FGFR1: variants seen among roughly 807,000 people sequenced by gnomAD.
FGFR1 encodes fibroblast growth factor receptor 1.
A neutral mutation model predicts 93.7 loss-of-function variants in FGFR1; 18 were observed. The ratio of observed to expected loss-of-function variants is 0.19; its 90% CI spans 0.13 to 0.28. The LOEUF is 0.28. Among genes scored for constraint, FGFR1 ranks in the 10% least tolerant of loss-of-function variants. The pLI is 1.00. For synonymous variants in FGFR1, 448 were observed against 429.3 expected, an observed-to-expected ratio of 1.04 and a Z score of -0.54; for missense variants, 731 against 1,080.4, an observed-to-expected ratio of 0.68 and a Z score of 4.53.
chr8:38,459,164 G>A (rs983830662), intron 1 of FGFR1, among the ~76,000 whole-genome samples: 2 of 152,176 alleles, frequency 1.3e-5, no homozygotes, highest in Non-Finnish European at 2.9e-5. Context: ...CACTGTCAAG[G>A]CTACGTGGGG....
intron 2 of FGFR1, among the ~76,000 whole-genome samples, chr8:38,433,734 A>G (rs1438070109): frequency 6.6e-6 from 1 of 152,200 alleles, no homozygotes; most frequent in East Asian, 1.9e-4. Context: ...TTCACACTCA[A>G]TTACATTCCA....
At chr8:38,427,036 G>A (rs976204292) in intron 5 of FGFR1, among the ~76,000 whole-genome samples, 3 of 151,788 alleles carry the variant, frequency 2.0e-5, no homozygotes, top group African/African-American at 7.3e-5. Flanking sequence ...GAACCTGGGA[G>A]GTGGAGCTTG....
intron 1 of FGFR1, among the ~76,000 whole-genome samples, chr8:38,465,104 G>T (rs1342497343): frequency 6.6e-6 from 1 of 152,202 alleles, no homozygotes; most frequent in African/African-American, 2.4e-5. Context: ...CAGCCTGAGG[G>T]ATGCACCGAT....
chr8:38,413,448 A>T lies in FGFR1; in HGVS notation c.*180T>A. 1 of 617,384 alleles carries T rather than the reference A, an allele frequency of 1.6e-6. No individual in the cohort carries two copies. The highest frequency in any genetic ancestry group is 2.9e-6 in the Non-Finnish European group (1 of 350,662). 38.2% of individuals were successfully genotyped at this position (617,384 alleles called of 1,614,324 possible). A position where few individuals can be genotyped will look rare whatever the true frequency, so the allele number is the denominator to read the frequency against. ...CACCTCTCACCAGCAGGTGGAGAGG[A>T]GGTGGAGGGAGAGGTGAGCTGAGTG... On this transcript the variant is annotated 3_prime_UTR_variant, in exon 18 of 18. Coordinates refer to ENST00000447712, the MANE Select transcript of FGFR1 (RefSeq NM_023110.3). The surrounding 1 kb of genome is among the most constrained non-coding windows in gnomAD (Gnocchi z 4.2).
At chr8:38,419,027 T>C (rs566535205) in intron 9 of FGFR1, among the ~76,000 whole-genome samples, 67 of 152,320 alleles carry the variant, frequency 4.4e-4, no homozygotes, top group African/African-American at 1.5e-3. Context: ...CTGTACAAGC[T>C]CTCTTCTCGT....
Position 38,416,542 on chromosome 8 carries a change from G to A in FGFR1, c.1664-482C>T, listed in dbSNP as rs559218142. 1.7e-4 allele frequency among the ~76,000 whole-genome samples: 22 copies of A among 126,274 alleles called. No homozygotes were observed. In the East Asian group the frequency reaches 2.7e-3, roughly 15 times the overall value. 82.8% of individuals were successfully genotyped at this position (126,274 alleles called of 152,430 possible). ...GCGATCTCGGCTAACCGCAACCTCCGCCTCCCGTGTTCAAACGATTCTCCT... is the reference window on the plus strand; with the variant it reads ...GCGATCTCGGCTAACCGCAACCTCCACCTCCCGTGTTCAAACGATTCTCCT... On this transcript the variant is annotated intron_variant, in intron 12 of 17. Transcript: ENST00000447712.
At chr8:38,421,209 G>T (rs1004954052) in intron 8 of FGFR1, among the ~76,000 whole-genome samples, 2 of 152,186 alleles carry the variant, frequency 1.3e-5, no homozygotes, top group Non-Finnish European at 2.9e-5. Context: ...GGAGAGGAGA[G>T]ACGGCAGCAG....
Position 38,413,715 on chromosome 8 carries a change from G to A in FGFR1, c.2382C>T (p.Ser794=), listed in dbSNP as rs369652756. The change falls in exon 18 of 18, where the codon TCC becomes TCT. Residue 794 remains serine, a synonymous_variant. Coordinates refer to ENST00000447712, the MANE Select transcript of FGFR1 (RefSeq NM_023110.3). This position sits in a 1 kb window ranked among gnomAD's most constrained non-coding sequence, Gnocchi z 4.2. ...RSSTCSSGED[S]VFSHEPLPEE... ...CGGGCAGCGGCTCATGAGAGAAGAC[G>A]GAATCCTCCCCTGAGGAGCACGTAG... is the stretch of plus-strand genomic sequence containing the variant. 11 of 1,614,042 alleles carry A rather than the reference G, an allele frequency of 6.8e-6. No homozygotes were observed. The highest frequency in any genetic ancestry group is 4.5e-5 in the East Asian group (2 of 44,854).
intron 2 of FGFR1, 127 bp downstream of exon 2, chr8:38,457,229 G>C: frequency 9.5e-7 from 1 of 1,050,292 alleles, no homozygotes; most frequent in Non-Finnish European, 1.4e-6. Flanking sequence ...CAGGAAGGGA[G>C]TTCTTTGCTC....
intron 7 of FGFR1, chr8:38,423,312 GTTTT>G (rs58594253): frequency 4.6e-3 from 1,641 of 358,198 alleles, no homozygotes; most frequent in East Asian, 8.8e-3. Context: ...TTCCCTTTTA[GTTTT>G]TTTTTTTTTT....
In FGFR1 at chr8:38,413,649, A is replaced by G. The variant is rs1420466370; in HGVS notation, c.2448T>C (p.Asn816=). 6.2e-7 allele frequency: 1 copy of G among 1,612,456 alleles called. No individual in the cohort carries two copies. Among genetic ancestry groups the G allele is most frequent in the South Asian group, 1.1e-5 (1 of 90,752 alleles). Residue 816 remains asparagine (N), a synonymous_variant, in exon 18 of 18, where the codon AAT becomes AAC. Coordinates refer to ENST00000447712, the MANE Select transcript of FGFR1 (RefSeq NM_023110.3). This position sits in a 1 kb window ranked among gnomAD's most constrained non-coding sequence, Gnocchi z 4.2. ...CLPRHPAQLA[N]GGLKRR ...GCAGTCAGCGGCGTTTGAGTCCGCCATTGGCAAGCTGGGCTGGGTGTCGGG... is the reference window on the plus strand; with the variant it reads ...GCAGTCAGCGGCGTTTGAGTCCGCCGTTGGCAAGCTGGGCTGGGTGTCGGG...
intron 13 of FGFR1, among the ~76,000 whole-genome samples, chr8:38,415,130 T>C (rs1441454594): frequency 6.6e-6 from 1 of 152,212 alleles, no homozygotes; most frequent in African/African-American, 2.4e-5. Context: ...CTTATGCCTC[T>C]GCTGCGTCTG....
chr8:38,459,831 T>C (rs1833921715), intron 1 of FGFR1, among the ~76,000 whole-genome samples: 2 of 152,140 alleles, frequency 1.3e-5, no homozygotes, highest in Admixed American at 1.3e-4. Flanking sequence ...TAGATAAGGG[T>C]AAATCCAAGG....
chr8:38,456,041 TAA>T (rs895012786), intron 2 of FGFR1, among the ~76,000 whole-genome samples: 5 of 152,318 alleles, frequency 3.3e-5, no homozygotes, highest in African/African-American at 1.2e-4. Context: ...GCACCTTCTA[TAA>T]AGTCTCACAC....
Position 38,429,117 on chromosome 8 carries a change from A to G in FGFR1, c.358+565T>C, listed in dbSNP as rs1334671785. 5 of 361,280 alleles carry G rather than the reference A, an allele frequency of 1.4e-5. No homozygotes were observed. The highest frequency in any genetic ancestry group is 6.4e-5 in the African/African-American group (3 of 46,860). The allele number at this position is 361,280 out of a possible 1,614,324, so 22.4% of individuals were successfully genotyped here. A position where few individuals can be genotyped will look rare whatever the true frequency, so the allele number is the denominator to read the frequency against. On this transcript the variant is annotated intron_variant, in intron 3 of 17. Coordinates refer to ENST00000447712, the MANE Select transcript of FGFR1 (RefSeq NM_023110.3). The surrounding 1 kb of genome is among the most constrained non-coding windows in gnomAD (Gnocchi z 4.4). Reference sequence around the variant, plus strand: ...ACACCCTGAGGTGCATAAATGGCATAAAGAAAATTTCAGCTCCACTTCCTC... The same window carrying G: ...ACACCCTGAGGTGCATAAATGGCATGAAGAAAATTTCAGCTCCACTTCCTC...
chr8:38,448,870 G>A (rs1192303852), intron 2 of FGFR1, among the ~76,000 whole-genome samples: 2 of 152,152 alleles, frequency 1.3e-5, no homozygotes, highest in East Asian at 1.9e-4. Context: ...CAGAAGAATC[G>A]CTAGCACCTG....
chr8:38,429,616 A>G lies in FGFR1; in HGVS notation c.358+66T>C. 6.6e-7 allele frequency: 1 copy of G among 1,519,720 alleles called. No individual in the cohort carries two copies. The highest frequency in any genetic ancestry group is 1.2e-5 in the South Asian group (1 of 81,780). The allele number at this position is 1,519,720 out of a possible 1,614,324, so 94.1% of individuals were successfully genotyped here. A position where few individuals can be genotyped will look rare whatever the true frequency, so the allele number is the denominator to read the frequency against. ...GGGGGAGGAGGTTCACCTTCCTCTG[A>G]AACTGGCAGAGAGGGCTGGAGGGGG... On this transcript the variant is annotated intron_variant, in intron 3 of 17. Transcript: ENST00000447712. The surrounding 1 kb of genome is among the most constrained non-coding windows in gnomAD (Gnocchi z 4.4).
chr8:38,423,265 G>T, intron 7 of FGFR1: 1 of 716,254 alleles, frequency 1.4e-6, no homozygotes. Context: ...GGCAGGCCCA[G>T]GGAGCGAAGG....
rs940045661 is a variant in FGFR1, at chr8:38,411,475, T to C, written c.*2153A>G. ...CTTTAAACATAAATACAAATTGTAA[T>C]GTTAGCAGGTGCTATTTACAGAGAG... On this transcript the variant is annotated 3_prime_UTR_variant, in exon 18 of 18. Transcript: ENST00000447712. The C allele has an allele frequency of 1.8e-5, 4 of 227,266 alleles. No homozygotes were observed. Among genetic ancestry groups the C allele is most frequent in the African/African-American group, 8.9e-5 (4 of 45,024 alleles). The allele number at this position is 227,266 out of a possible 1,614,324, so 14.1% of individuals were successfully genotyped here. A position where few individuals can be genotyped will look rare whatever the true frequency, so the allele number is the denominator to read the frequency against.
Sources: allele counts gnomAD v4.1 joint callset (sites outside exome capture counted in the v4.1 genomes callset), GRCh38; gene constraint gnomAD v4.1.1; non-coding constraint Gnocchi (gnomAD v3.1); transcripts MANE v1.5; gene names NCBI Gene and HGNC (gene_info 2026-07-23, HGNC 2026-07-21).